The following CA12 variants were observed in gnomAD, a reference collection of about 807,000 sequenced individuals.
CA12 encodes carbonate dehydratase XII.
In CA12, 36 loss-of-function variants were observed where a neutral mutation model predicts 46.8. The ratio of observed to expected loss-of-function variants is 0.77; its 90% CI spans 0.59 to 1.02. The LOEUF is 1.02. Among genes scored for constraint, CA12 ranks in the 50% least tolerant of loss-of-function variants. The pLI, the probability that CA12 is intolerant of heterozygous loss-of-function variation, is 0.00. For missense variants in CA12, 436 were observed against 451.4 expected (o/e 0.97, Z 0.31); for synonymous variants, 202 against 187.0 (o/e 1.08, Z -0.65).
At position 63,365,108 on chromosome 15, in the gene CA12, C is replaced by T. The variant is rs535522272; in HGVS notation, c.106+10550G>A. On this transcript the variant is annotated intron_variant, in intron 2 of 10. Transcript: ENST00000178638. ...GATTACAGGCATAAGCCACCTCATCCGGACACACTGGTCTTTGATCCACAT... is the reference window on the plus strand; with the variant it reads ...GATTACAGGCATAAGCCACCTCATCTGGACACACTGGTCTTTGATCCACAT... Among the ~76,000 whole-genome samples the T allele has an allele frequency of 2.0e-5, 3 of 152,322 alleles. No homozygotes were observed. The East Asian group carries it at 5.8e-4, about 29-fold the overall frequency.
intron 1 of CA12, among the ~76,000 whole-genome samples, chr15:63,379,452 T>C (rs2039617191): frequency 6.6e-6 from 1 of 152,184 alleles, no homozygotes; most frequent in South Asian, 2.1e-4. Context: ...CTTCTAGCTG[T>C]AAGAACAGAA....
rs1042922668 is a variant in CA12, at chr15:63,329,477, C to T, written c.875-1347G>A. 1.4e-4 allele frequency among the ~76,000 whole-genome samples: 22 copies of T among 152,204 alleles called. No homozygotes were observed. The highest frequency in any genetic ancestry group is 5.3e-4 in the African/African-American group (22 of 41,434). On this transcript the variant is annotated intron_variant, in intron 8 of 10. Transcript: ENST00000178638. This position sits in a 1 kb window ranked among gnomAD's most constrained non-coding sequence, Gnocchi z 4.8. ...CCTGTTTTTTCCAAGGTTCCCACAGCCATTCCCCATTCTCCTAATCAGGTC... is the reference window on the plus strand; with the variant it reads ...CCTGTTTTTTCCAAGGTTCCCACAGTCATTCCCCATTCTCCTAATCAGGTC...
chr15:63,346,849 C>A, intron 2 of CA12, 140 bp from the exon 3 acceptor site: 1 of 981,586 alleles, frequency 1.0e-6, no homozygotes, highest in Non-Finnish European at 1.5e-6. Context: ...GGCTCAGAGT[C>A]TTGGCCTCCA....
chr15:63,331,502 C>T lies in CA12; in HGVS notation c.875-3372G>A, dbSNP rs2038937322. On this transcript the variant is annotated intron_variant, in intron 8 of 10. Coordinates refer to ENST00000178638, the MANE Select transcript of CA12 (RefSeq NM_001218.5). The surrounding 1 kb of genome is among the most constrained non-coding windows in gnomAD (Gnocchi z 5.3). ...GAGACAGGCTAGGTCACAGAGGTGG[C>T]CCACGAGAGGCATCGAGTGGCAGCC... is the stretch of plus-strand genomic sequence containing the variant. 6.6e-6 allele frequency among the ~76,000 whole-genome samples: 1 copy of T among 152,178 alleles called. No individual in the cohort carries two copies.
chr15:63,342,122 TTAG>T, intron 4 of CA12, 25 bp from the exon 5 acceptor site: 3 of 1,505,370 alleles, frequency 2.0e-6, no homozygotes, highest in Non-Finnish European at 2.8e-6. Flanking sequence ...AAGCCACCCA[TTAG>T]GAGATAAGCG....
chr15:63,342,303 C>T (rs2039088947), intron 4 of CA12, among the ~76,000 whole-genome samples: 1 of 152,112 alleles, frequency 6.6e-6, no homozygotes, highest in Non-Finnish European at 1.5e-5. Context: ...TGTTTTGATA[C>T]ATTTTAGAGA....
At chr15:63,346,477 C>A in intron 3 of CA12, 53 bp downstream of exon 3, 1 of 1,462,458 alleles carries the variant, frequency 6.8e-7, no homozygotes, top group Non-Finnish European at 9.3e-7. Context: ...ACAGGCCTGG[C>A]AGCTGAGGGA....
rs200399984 is a variant in CA12, at chr15:63,370,882, C to T, written c.106+4776G>A. ...TCCTCAGGATGGCAGCTGGGAGTCGCGAGAAGTGGCTGGAATGTTTTGAGA... is the reference window on the plus strand; with the variant it reads ...TCCTCAGGATGGCAGCTGGGAGTCGTGAGAAGTGGCTGGAATGTTTTGAGA... On this transcript the variant is annotated intron_variant, in intron 2 of 10. Transcript: ENST00000178638. 3.9e-5 allele frequency among the ~76,000 whole-genome samples: 6 copies of T among 152,240 alleles called. No homozygotes were observed. In the South Asian group the frequency reaches 1.0e-3, roughly 26 times the overall value.
chr15:63,352,433 G>C (rs2039244733), intron 2 of CA12, among the ~76,000 whole-genome samples: 1 of 152,240 alleles, frequency 6.6e-6, no homozygotes, highest in Non-Finnish European at 1.5e-5. Flanking sequence ...AGGAAGGTTG[G>C]AGACAGAAGA....
intron 2 of CA12, among the ~76,000 whole-genome samples, chr15:63,367,950 G>A (rs1037246859): frequency 4.6e-5 from 7 of 152,170 alleles, no homozygotes; most frequent in Admixed American, 1.3e-4. Flanking sequence ...CTGCAAGTTG[G>A]AAAAAGCTAT....
rs1261078976 is a variant in CA12 at position 63,327,811 on chromosome 15, C to T, written c.907+287G>A. On this transcript the variant is annotated intron_variant, in intron 9 of 10. Transcript: ENST00000178638. The surrounding 1 kb of genome is among the most constrained non-coding windows in gnomAD (Gnocchi z 4.5). The stretch of plus-strand genomic sequence containing the variant: ...TGTCAGCTGACCTCCACAATGGGCT[C>T]TGGTATGTTTTCAGCAACAGCCTCC... Among the ~76,000 whole-genome samples, 3 of 152,204 alleles carry T rather than the reference C, an allele frequency of 2.0e-5. No homozygotes were observed. Among genetic ancestry groups the T allele is most frequent in the African/African-American group, 7.2e-5 (3 of 41,446 alleles).
chr15:63,360,118 T>C (rs764544750), intron 2 of CA12, among the ~76,000 whole-genome samples: 1 of 152,086 alleles, frequency 6.6e-6, no homozygotes, highest in Non-Finnish European at 1.5e-5. Flanking sequence ...GCAGAAGACA[T>C]GAGATGCCTG....
rs2038877122 is a variant in CA12 at position 63,327,117 on chromosome 15, T to C, written c.992+32A>G. ...ACTAATCATCATGGACACATAGCTGTCCATTCCCATTTTGGACCCAAACCA... is the reference window on the plus strand; with the variant it reads ...ACTAATCATCATGGACACATAGCTGCCCATTCCCATTTTGGACCCAAACCA... On this transcript the variant is annotated intron_variant, in intron 10 of 10. Coordinates refer to ENST00000178638, the MANE Select transcript of CA12 (RefSeq NM_001218.5). This position sits in a 1 kb window ranked among gnomAD's most constrained non-coding sequence, Gnocchi z 4.5. The C allele has an allele frequency of 1.3e-6, 2 of 1,574,720 alleles. No homozygotes were observed. Among genetic ancestry groups the C allele is most frequent in the Admixed American group, 1.7e-5 (1 of 59,948 alleles).
At position 63,329,059 on chromosome 15, in the gene CA12, C is replaced by G. The variant is rs766092961; in HGVS notation, c.875-929G>C. On this transcript the variant is annotated intron_variant, in intron 8 of 10. Transcript: ENST00000178638. The surrounding 1 kb of genome is among the most constrained non-coding windows in gnomAD (Gnocchi z 4.8). ...AGGAAAGATGAAGAAAGGTAGGGAT[C>G]AAAGCCTGCTTGGGCAGGCTCCTGT... is the stretch of plus-strand genomic sequence containing the variant. 6.6e-6 allele frequency among the ~76,000 whole-genome samples: 1 copy of G among 152,234 alleles called. No individual in the cohort carries two copies. Among genetic ancestry groups the G allele is most frequent in the Non-Finnish European group, 1.5e-5 (1 of 68,042 alleles).
chr15:63,375,799 C>T, intron 1 of CA12, 121 bp from the exon 2 acceptor site: 3 of 655,756 alleles, frequency 4.6e-6, no homozygotes, highest in South Asian at 3.5e-5. Context: ...GAAATTGAAA[C>T]TTTTTCTTTT....
In CA12 at chr15:63,374,981, A is replaced by G. The variant is rs577686870; in HGVS notation, c.106+677T>C. 3.2e-4 allele frequency among the ~76,000 whole-genome samples: 49 copies of G among 152,252 alleles called. 1 individual carries two copies. The highest frequency in any genetic ancestry group is 2.1e-4 in the South Asian group (1 of 4,820). On this transcript the variant is annotated intron_variant, in intron 2 of 10. Transcript: ENST00000178638. This position sits in a 1 kb window ranked among gnomAD's most constrained non-coding sequence, Gnocchi z 4.4. ...CCTGCCACATCCATTCCAGCCAATG[A>G]CCAATTTCTAATTCACTGCAACTCT...
Position 63,373,885 on chromosome 15 carries a change from C to T in CA12, c.106+1773G>A, listed in dbSNP as rs150050434. Among the ~76,000 whole-genome samples the T allele has an allele frequency of 8.5e-5, 13 of 152,352 alleles. No homozygotes were observed. Among genetic ancestry groups the T allele is most frequent in the East Asian group, 3.9e-4 (2 of 5,182 alleles). On this transcript the variant is annotated intron_variant, in intron 2 of 10. Coordinates refer to ENST00000178638, the MANE Select transcript of CA12 (RefSeq NM_001218.5). This position sits in a 1 kb window ranked among gnomAD's most constrained non-coding sequence, Gnocchi z 4.9. ...TTCCATGCCTGTCACCTCCTACACA[C>T]GGAACCTGCCCAAGGGGCCCTGTGG...
chr15:63,336,767 G>T (rs2039010352), intron 8 of CA12, among the ~76,000 whole-genome samples: 2 of 152,048 alleles, frequency 1.3e-5, no homozygotes, highest in African/African-American at 4.8e-5. Context: ...CCAGGAGGAA[G>T]CAAAGCCAGG....
At position 63,328,172 on chromosome 15, in the gene CA12, A is replaced by C. The variant is rs1162589816; in HGVS notation, c.875-42T>G. The C allele has an allele frequency of 6.3e-7, 1 of 1,585,724 alleles. No homozygotes were observed. The highest frequency in any genetic ancestry group is 1.3e-5 in the African/African-American group (1 of 74,430). ...AAAAGACGAGGTTACTCTAGAGTCAAACCACACTGGATTTGAGCAGCGTGT... is the reference window on the plus strand; with the variant it reads ...AAAAGACGAGGTTACTCTAGAGTCACACCACACTGGATTTGAGCAGCGTGT... On this transcript the variant is annotated intron_variant, in intron 8 of 10. Coordinates refer to ENST00000178638, the MANE Select transcript of CA12 (RefSeq NM_001218.5). This position sits in a 1 kb window ranked among gnomAD's most constrained non-coding sequence, Gnocchi z 5.9.
Sources: gnomAD v4.1 joint callset for allele counts (sites outside exome capture counted in the v4.1 genomes callset) on GRCh38, gnomAD v4.1.1 for gene constraint, Gnocchi (gnomAD v3.1) non-coding constraint, MANE v1.5 for transcripts, NCBI Gene and HGNC (gene_info 2026-07-23, HGNC 2026-07-21) for gene names.